Variants in NAALADL2 observed in about 807,000 individuals in gnomAD.
NAALADL2 encodes the protein N-acetylated alpha-linked acidic dipeptidase like 2.
In NAALADL2, 76 loss-of-function variants were observed where a neutral mutation model predicts 87.2. The ratio of observed to expected loss-of-function variants is 0.87; its 90% CI spans 0.72 to 1.05. The LOEUF is 1.05. Ranked by LOEUF, NAALADL2 falls within the 50% of genes least tolerant of loss-of-function variation. The pLI, the probability that NAALADL2 is intolerant of heterozygous loss-of-function variation, is 0.00. For synonymous variants in NAALADL2, 354 were observed against 331.0 expected, an observed-to-expected ratio of 1.07 and a Z score of -0.75; for missense variants, 1,089 against 945.8, an observed-to-expected ratio of 1.15 and a Z score of -1.99.
chr3:174,613,425 G>T lies in NAALADL2; in HGVS notation c.-115+62788G>T, dbSNP rs572368171. Reference sequence around the variant, plus strand: ...TGCTGTCCAGGAGTCAGGGACTAGAGTAAAAAAACCTTAGAAGTCTATCTA... The same window carrying T: ...TGCTGTCCAGGAGTCAGGGACTAGATTAAAAAAACCTTAGAAGTCTATCTA... On this transcript the variant is annotated intron_variant, in intron 2 of 3. Coordinates refer to the NAALADL2 transcript ENST00000434257. Among the ~76,000 whole-genome samples the T allele has an allele frequency of 1.0e-4, 13 of 130,572 alleles. No individual in the cohort carries two copies. In the South Asian group the frequency reaches 3.6e-3, roughly 36 times the overall value. 85.7% of individuals were successfully genotyped at this position (130,572 alleles called of 152,430 possible). A position where few individuals can be genotyped will look rare whatever the true frequency, so the allele number is the denominator to read the frequency against.
chr3:175,056,530 G>A (rs1218126373), intron 1 of NAALADL2, among the ~76,000 whole-genome samples: 1 of 152,104 alleles, frequency 6.6e-6, no homozygotes, highest in Non-Finnish European at 1.5e-5. Context: ...GTGGGTCAGG[G>A]AGATCCTCAC....
intron 3 of NAALADL2, among the ~76,000 whole-genome samples, chr3:174,817,824 T>C (rs907741558): frequency 3.3e-5 from 5 of 152,130 alleles, no homozygotes; most frequent in Non-Finnish European, 7.4e-5. Context: ...TCAATCAGCA[T>C]TTCAGTATAA....
chr3:175,788,377 C>T (rs1266887740), intron 13 of NAALADL2, among the ~76,000 whole-genome samples: 1 of 152,082 alleles, frequency 6.6e-6, no homozygotes, highest in East Asian at 1.9e-4. Context: ...AGGGGTGAGC[C>T]ACTGTGCCAA....
intron 2 of NAALADL2, among the ~76,000 whole-genome samples, chr3:174,625,595 CTAAA>C (rs886326030): frequency 5.0e-4 from 76 of 150,742 alleles, no homozygotes; most frequent in Non-Finnish European, 9.0e-4. Context: ...TTTTAAAATC[CTAAA>C]TAATCAGAAA....
chr3:174,707,997 A>G (rs1195000335), intron 2 of NAALADL2, among the ~76,000 whole-genome samples: 2 of 152,158 alleles, frequency 1.3e-5, no homozygotes, highest in Admixed American at 6.5e-5. Flanking sequence ...GCTGCATTCC[A>G]TTTCATCACT....
In NAALADL2 at chr3:175,471,694, C is replaced by A; in HGVS notation, c.1589C>A (p.Pro530His). Residue 530 changes from proline to histidine, a missense_variant, in exon 9 of 14, where the codon CCC becomes CAC. Pro to His is a moderately conservative substitution (Grantham distance 77). Transcript: ENST00000454872. The stretch of plus-strand genomic sequence containing the variant: ...GTGGCTTATATTAGCCTCCACAGTC[C>A]CATAAGGGGGAACTCTAGTCTGTAT... The part of the protein sequence containing the change: ...NVVAYISLHS[P>H]IRGNSSLYPV... 6.3e-7 allele frequency: 1 copy of A among 1,595,176 alleles called. No homozygotes were observed. Among genetic ancestry groups the A allele is most frequent in the Non-Finnish European group, 8.6e-7 (1 of 1,165,182 alleles).
At chr3:174,962,371 CAT>C (rs140830010) in intron 1 of NAALADL2, among the ~76,000 whole-genome samples, 1,722 of 75,056 alleles carry the variant, frequency 0.023, 43 homozygotes, top group East Asian at 0.046. Flanking sequence ...GTGACTATGA[CAT>C]ATATATATAT....
chr3:175,621,628 C>A (rs1442192263), intron 10 of NAALADL2, among the ~76,000 whole-genome samples: 3 of 151,932 alleles, frequency 2.0e-5, no homozygotes, highest in African/African-American at 7.3e-5. Flanking sequence ...AAAATACTTT[C>A]AAAAACACAA....
chr3:175,587,369 G>T (rs1720685754), intron 10 of NAALADL2, among the ~76,000 whole-genome samples: 1 of 152,016 alleles, frequency 6.6e-6, no homozygotes, highest in Non-Finnish European at 1.5e-5. Flanking sequence ...AGTATTTTCA[G>T]TTTTTTAGTT....
chr3:174,727,797 T>C (rs894231166), intron 2 of NAALADL2, among the ~76,000 whole-genome samples: 10 of 152,222 alleles, frequency 6.6e-5, no homozygotes, highest in African/African-American at 2.4e-4. Context: ...TTTGAAAAGG[T>C]ATAGTGGCAC....
At chr3:174,842,052 C>CT (rs10575010) in intron 3 of NAALADL2, among the ~76,000 whole-genome samples, 5,758 of 142,412 alleles carry the variant, frequency 0.04, 170 homozygotes, top group Non-Finnish European at 0.052. Flanking sequence ...TACATTTAAA[C>CT]TTTTTTTTTT....
intron 11 of NAALADL2, among the ~76,000 whole-genome samples, chr3:175,713,360 G>C (rs1740788800): frequency 6.6e-6 from 1 of 151,924 alleles, no homozygotes; most frequent in African/African-American, 2.4e-5. Flanking sequence ...TTTTTCTTTA[G>C]GAAAAAGAAT....
At chr3:174,924,635 A>C (rs9853251) in intron 1 of NAALADL2, among the ~76,000 whole-genome samples, 1 of 151,530 alleles carries the variant, frequency 6.6e-6, no homozygotes, top group Non-Finnish European at 1.5e-5. Context: ...AGGAATCGCC[A>C]CACTGTCTTC....
chr3:175,305,244 TTGTGTATGTGTGTGTGTGTGTGTGTGTA>T lies in NAALADL2; in HGVS notation c.940-18915_940-18888del, dbSNP rs1443949387. Among the ~76,000 whole-genome samples, 494 of 131,744 alleles carry T rather than the reference TTGTGTATGTGTGTGTGTGTGTGTGTGTA, an allele frequency of 3.7e-3. 3 individuals carry two copies. Among genetic ancestry groups the T allele is most frequent in the African/African-American group, 0.016 (474 of 29,310 alleles). The allele number at this position is 131,744 out of a possible 152,430, so 86.4% of individuals were successfully genotyped here. A position where few individuals can be genotyped will look rare whatever the true frequency, so the allele number is the denominator to read the frequency against. On this transcript the variant is annotated intron_variant, in intron 4 of 13. Transcript: ENST00000454872. ...GCTTACATGGTGTGTGTGTGTGTGT[TTGTGTATGTGTGTGTGTGTGTGTGTGTA>T]TGTGTATGTGTGTGTATGTGTTCTC...
intron 2 of NAALADL2, among the ~76,000 whole-genome samples, chr3:175,170,772 T>C (rs1214700989): frequency 5.3e-5 from 8 of 151,638 alleles, no homozygotes; most frequent in African/African-American, 1.9e-4. Context: ...CTTAACGTGA[T>C]GTTGCCATTA....
At chr3:174,610,631 A>T (rs1254178677) in intron 2 of NAALADL2, among the ~76,000 whole-genome samples, 1 of 152,090 alleles carries the variant, frequency 6.6e-6, no homozygotes, top group Non-Finnish European at 1.5e-5. Flanking sequence ...ATCTCACACC[A>T]GTTAGAATGG....
intron 1 of NAALADL2, among the ~76,000 whole-genome samples, chr3:175,046,889 AGAGT>A (rs758986487): frequency 2.3e-4 from 35 of 152,306 alleles, no homozygotes; most frequent in Non-Finnish European, 3.2e-4. Flanking sequence ...ACAATACCAT[AGAGT>A]GAGTATCACA....
intron 11 of NAALADL2, among the ~76,000 whole-genome samples, chr3:175,687,344 A>G (rs1272640021): frequency 6.6e-6 from 1 of 152,182 alleles, no homozygotes. Context: ...AGTATTTTCA[A>G]TGTAAGTATT....
At chr3:175,054,815 C>T (rs138081387) in intron 1 of NAALADL2, among the ~76,000 whole-genome samples, 20,123 of 152,066 alleles carry the variant, frequency 0.13, 1,470 homozygotes, top group Admixed American at 0.21. Flanking sequence ...CATATGTTGA[C>T]TTTGAGGGCT....
Sources: gnomAD v4.1 joint callset for allele counts (sites outside exome capture counted in the v4.1 genomes callset) on GRCh38, gnomAD v4.1.1 for gene constraint, MANE v1.5 for transcripts, NCBI Gene and HGNC (gene_info 2026-07-23, HGNC 2026-07-21) for gene names.